Variants in SLC22A3 observed in about 807,000 individuals in gnomAD.
The protein encoded by SLC22A3 is EMT organic cation transporter 3.
Under a neutral mutation model 59.1 loss-of-function variants are expected in SLC22A3, and 51 were observed. The ratio of observed to expected loss-of-function variants is 0.86; its 90% confidence interval spans 0.69 to 1.09. SLC22A3 has a LOEUF of 1.09. Ranked by LOEUF, SLC22A3 falls within the 50% of genes least tolerant of loss-of-function variation. SLC22A3 has a pLI of 0.00. For missense variants in SLC22A3, 711 were observed against 726.3 expected, an observed-to-expected ratio of 0.98 and a Z score of 0.24; for synonymous variants, 325 against 292.0, an observed-to-expected ratio of 1.11 and a Z score of -1.15.
intron 1 of SLC22A3, among the ~76,000 whole-genome samples, chr6:160,357,335 C>T (rs1562466408): frequency 6.6e-6 from 1 of 152,148 alleles, no homozygotes; most frequent in Non-Finnish European, 1.5e-5. Flanking sequence ...AGAAGCCTTT[C>T]CCAGTTGCTG....
At chr6:160,440,529 T>C (rs192165385) in intron 7 of SLC22A3, among the ~76,000 whole-genome samples, 3 of 152,340 alleles carry the variant, frequency 2.0e-5, no homozygotes, top group Admixed American at 2.0e-4. Context: ...TTTGTTCTCA[T>C]GTAATTCCAT....
intron 8 of SLC22A3, among the ~76,000 whole-genome samples, chr6:160,443,101 G>A (rs1029358571): frequency 2.0e-5 from 3 of 152,182 alleles, no homozygotes; most frequent in Non-Finnish European, 2.9e-5. Flanking sequence ...ACACTGTTAC[G>A]GTTTTGAGGA....
At chr6:160,401,134 G>GA (rs1786765656) in intron 2 of SLC22A3, among the ~76,000 whole-genome samples, 1 of 151,440 alleles carries the variant, frequency 6.6e-6, no homozygotes, top group Non-Finnish European at 1.5e-5. Flanking sequence ...GCGAGAAATA[G>GA]AAAAAATATT....
intron 1 of SLC22A3, among the ~76,000 whole-genome samples, chr6:160,350,644 A>G (rs2114729766): frequency 6.6e-6 from 1 of 152,364 alleles, no homozygotes; most frequent in East Asian, 1.9e-4. Flanking sequence ...ACGAGCCTCA[A>G]CAAGTGCTCA....
intron 1 of SLC22A3, among the ~76,000 whole-genome samples, chr6:160,381,720 T>C (rs1222328966): frequency 6.6e-6 from 1 of 152,196 alleles, no homozygotes; most frequent in East Asian, 1.9e-4. Context: ...TTATGATGTC[T>C]ATTTTCAGCC....
chr6:160,431,944 A>G (rs1788165523), intron 5 of SLC22A3, among the ~76,000 whole-genome samples: 1 of 152,164 alleles, frequency 6.6e-6, no homozygotes, highest in Admixed American at 6.5e-5. Context: ...CAATCTTATT[A>G]AACCATGGTT....
chr6:160,410,531 A>G (rs967323155), intron 4 of SLC22A3, among the ~76,000 whole-genome samples, 198 bp from the exon 5 acceptor site: 5 of 152,154 alleles, frequency 3.3e-5, no homozygotes, highest in Non-Finnish European at 4.4e-5. Flanking sequence ...CAATGATCCA[A>G]TTATCAAGCT....
At chr6:160,417,731 T>A (rs1458051127) in intron 5 of SLC22A3, among the ~76,000 whole-genome samples, 1 of 152,116 alleles carries the variant, frequency 6.6e-6, no homozygotes, top group African/African-American at 2.4e-5. Flanking sequence ...AGACCTGCTT[T>A]GGCCAATGGC....
chr6:160,408,694 T>C, intron 3 of SLC22A3, 59 bp from the exon 4 acceptor site: 2 of 1,532,664 alleles, frequency 1.3e-6, no homozygotes, highest in South Asian at 1.1e-5. Context: ...CTGTATTTGT[T>C]TGTTTATTTT....
intron 5 of SLC22A3, 21 bp from the exon 6 acceptor site, chr6:160,436,759 A>T: frequency 6.5e-7 from 1 of 1,528,434 alleles, no homozygotes; most frequent in Non-Finnish European, 9.1e-7. Context: ...ATTGCTACTG[A>T]AATCTGCTTT....
At chr6:160,420,404 C>T (rs527884045) in intron 5 of SLC22A3, among the ~76,000 whole-genome samples, 115 of 152,298 alleles carry the variant, frequency 7.6e-4, no homozygotes, top group African/African-American at 2.6e-3. Context: ...TGGGCCATGC[C>T]TTTATCAAAA....
At position 160,442,670 on chromosome 6, in the gene SLC22A3, A is replaced by T. The variant is rs74423721; in HGVS notation, c.1289-91A>T. The stretch of plus-strand genomic sequence containing the variant: ...AAAATTGGCAAAGACTTCAGACTGG[A>T]GGCCACTAAGCAAATACTTTTTGTT... On this transcript the variant is annotated intron_variant, in intron 7 of 10. Coordinates refer to ENST00000275300, the MANE Select transcript of SLC22A3 (RefSeq NM_021977.4). 2,817 of 916,936 alleles carry T rather than the reference A, an allele frequency of 3.1e-3. 48 individuals carry two copies. The East Asian group carries it at 0.04, about 13-fold the overall frequency. The allele number at this position is 916,936 out of a possible 1,614,324, so 56.8% of individuals were successfully genotyped here.
At chr6:160,354,039 G>A (rs1463907892) in intron 1 of SLC22A3, among the ~76,000 whole-genome samples, 4 of 152,182 alleles carry the variant, frequency 2.6e-5, no homozygotes, top group East Asian at 1.9e-4. Context: ...GGGAGCGGGG[G>A]AAGCCCACAG....
intron 9 of SLC22A3, 25 bp downstream of exon 9, chr6:160,443,767 A>G (rs1237485725): frequency 7.0e-7 from 1 of 1,430,544 alleles, no homozygotes. Context: ...GCTATTCTTA[A>G]GAGCCTTCAT....
chr6:160,352,966 A>G (rs1345323872), intron 1 of SLC22A3, among the ~76,000 whole-genome samples: 1 of 152,056 alleles, frequency 6.6e-6, no homozygotes, highest in Admixed American at 6.5e-5. Flanking sequence ...GATTACAGGC[A>G]CCCGCCACCG....
chr6:160,373,371 C>T (rs1785469731), intron 1 of SLC22A3, among the ~76,000 whole-genome samples: 2 of 152,176 alleles, frequency 1.3e-5, no homozygotes, highest in Non-Finnish European at 2.9e-5. Flanking sequence ...CTGTTTCTTC[C>T]TCTGGAAGCT....
At chr6:160,420,953 G>A (rs970636991) in intron 5 of SLC22A3, among the ~76,000 whole-genome samples, 13 of 152,090 alleles carry the variant, frequency 8.5e-5, no homozygotes, top group East Asian at 3.9e-4. Flanking sequence ...CTTTCTTTCC[G>A]CACCCCTTCC....
intron 1 of SLC22A3, among the ~76,000 whole-genome samples, chr6:160,391,320 A>C (rs1786248085): frequency 6.6e-6 from 1 of 152,182 alleles, no homozygotes; most frequent in Admixed American, 6.5e-5. Flanking sequence ...AGTTGGGCTC[A>C]GGCATTTTTT....
intron 5 of SLC22A3, among the ~76,000 whole-genome samples, chr6:160,433,714 A>T (rs186409381): frequency 4.0e-4 from 61 of 152,154 alleles, no homozygotes; most frequent in East Asian, 2.7e-3. Flanking sequence ...CTCAAAAAAA[A>T]TTTTTTTAAA....
Sources: gnomAD v4.1 joint callset for allele counts (sites outside exome capture counted in the v4.1 genomes callset) on GRCh38, gnomAD v4.1.1 for gene constraint, MANE v1.5 for transcripts, NCBI Gene and HGNC (gene_info 2026-07-23, HGNC 2026-07-21) for gene names.